MGAT4C: variants seen among roughly 807,000 people sequenced by gnomAD.
The protein encoded by MGAT4C is alpha-1,3-mannosyl-glycoprotein 4-beta-N-acetylglucosaminyltransferase C.
MGAT4C carries 19 observed loss-of-function variants against 40.1 expected under a neutral mutation model. The ratio of observed to expected loss-of-function variants is 0.47; its 90% confidence interval spans 0.33 to 0.70. The LOEUF is 0.70. Ranked by LOEUF, MGAT4C falls within the 30% of genes least tolerant of loss-of-function variation. The pLI is 0.02. For synonymous variants in MGAT4C, 181 were observed against 187.1 expected, an observed-to-expected ratio of 0.97 and a Z score of 0.27; for missense variants, 491 against 563.2, an observed-to-expected ratio of 0.87 and a Z score of 1.30.
chr12:86,137,532 A>C (rs1360158948), intron 1 of MGAT4C, among the ~76,000 whole-genome samples: 1 of 152,166 alleles, frequency 6.6e-6, no homozygotes, highest in Non-Finnish European at 1.5e-5. Flanking sequence ...ATCAGTCCTA[A>C]GTTTAAACAA....
chr12:86,137,946 A>G (rs1277829999), intron 1 of MGAT4C, among the ~76,000 whole-genome samples: 1 of 152,188 alleles, frequency 6.6e-6, no homozygotes, highest in Non-Finnish European at 1.5e-5. Context: ...TTTACCCTTC[A>G]GGTCTTGCCT....
intron 1 of MGAT4C, among the ~76,000 whole-genome samples, chr12:86,228,785 A>G (rs1428395526): frequency 6.6e-6 from 1 of 151,990 alleles, no homozygotes; most frequent in African/African-American, 2.4e-5. Flanking sequence ...TCATTACAGT[A>G]CTTAGATATT....
chr12:86,097,539 GT>G (rs956137743), intron 1 of MGAT4C, among the ~76,000 whole-genome samples: 4 of 151,604 alleles, frequency 2.6e-5, no homozygotes, highest in African/African-American at 9.6e-5. Context: ...CATTTGCAAA[GT>G]TTTTGGAAGA....
chr12:86,417,401 G>A (rs1235937542), intron 3 of MGAT4C, among the ~76,000 whole-genome samples: 1 of 151,994 alleles, frequency 6.6e-6, no homozygotes, highest in East Asian at 1.9e-4. Context: ...AAGTAATCAT[G>A]TTATCTGCTT....
At chr12:86,168,845 GTC>G (rs1207814430) in intron 1 of MGAT4C, among the ~76,000 whole-genome samples, 2 of 152,068 alleles carry the variant, frequency 1.3e-5, no homozygotes, top group Non-Finnish European at 2.9e-5. Context: ...AAACAAAAGA[GTC>G]TTTTCTTTTG....
chr12:86,379,507 G>A (rs1228504201), intron 3 of MGAT4C, among the ~76,000 whole-genome samples: 1 of 151,982 alleles, frequency 6.6e-6, no homozygotes, highest in African/African-American at 2.4e-5. Flanking sequence ...ACCTCTTTCT[G>A]GCAAAGGTTA....
intron 1 of MGAT4C, among the ~76,000 whole-genome samples, chr12:86,074,145 T>C (rs1478212740): frequency 6.6e-6 from 1 of 152,078 alleles, no homozygotes; most frequent in Non-Finnish European, 1.5e-5. Context: ...TTCCACATTT[T>C]TCTCTTGCCA....
intron 3 of MGAT4C, among the ~76,000 whole-genome samples, chr12:86,345,783 TG>T (rs959293724): frequency 1.3e-5 from 2 of 152,208 alleles, no homozygotes; most frequent in Non-Finnish European, 2.9e-5. Flanking sequence ...ATGGGATGGC[TG>T]GGTCAAATGG....
intron 1 of MGAT4C, among the ~76,000 whole-genome samples, chr12:86,801,341 G>A (rs554539174): frequency 1.7e-4 from 26 of 151,978 alleles, no homozygotes; most frequent in Admixed American, 1.4e-3. Context: ...TATCGAGAGC[G>A]TGTTGAGAAT....
intron 2 of MGAT4C, among the ~76,000 whole-genome samples, chr12:86,631,622 T>C (rs1394062754): frequency 6.6e-6 from 1 of 152,048 alleles, no homozygotes; most frequent in Non-Finnish European, 1.5e-5. Flanking sequence ...CCATCTGATC[T>C]TTGACAAACC....
intron 2 of MGAT4C, among the ~76,000 whole-genome samples, chr12:86,593,004 C>T (rs1019608683): frequency 2.0e-5 from 3 of 151,928 alleles, no homozygotes; most frequent in African/African-American, 7.2e-5. Context: ...TTAATATTGG[C>T]ACTGTTTATA....
At chr12:86,600,942 C>G (rs1156371566) in intron 2 of MGAT4C, among the ~76,000 whole-genome samples, 2 of 152,242 alleles carry the variant, frequency 1.3e-5, no homozygotes, top group Admixed American at 1.3e-4. Flanking sequence ...AGCAAAGTTG[C>G]GACTATGTCC....
intron 2 of MGAT4C, among the ~76,000 whole-genome samples, chr12:86,639,042 A>G (rs1006548821): frequency 6.6e-6 from 1 of 151,796 alleles, no homozygotes; most frequent in Admixed American, 6.6e-5. Context: ...ATCTTGAAAA[A>G]TAACAATTTG....
chr12:86,168,685 A>T (rs57949270), intron 1 of MGAT4C, among the ~76,000 whole-genome samples: 12,871 of 152,132 alleles, frequency 0.085, 647 homozygotes, highest in Middle Eastern at 0.22. Flanking sequence ...TCATGTTGTA[A>T]AGGTGTTAAT....
intron 1 of MGAT4C, among the ~76,000 whole-genome samples, chr12:86,106,108 C>T (rs1319120606): frequency 1.3e-5 from 2 of 152,148 alleles, no homozygotes; most frequent in Non-Finnish European, 1.5e-5. Context: ...AATAGTGCTT[C>T]CCCAATTGTT....
chr12:86,546,830 A>G (rs1292159105), intron 2 of MGAT4C, among the ~76,000 whole-genome samples: 1 of 152,108 alleles, frequency 6.6e-6, no homozygotes, highest in African/African-American at 2.4e-5. Context: ...GCATCCCCCA[A>G]AAAACACCAC....
chr12:86,603,057 A>G (rs1451135980), intron 2 of MGAT4C, among the ~76,000 whole-genome samples: 2 of 151,592 alleles, frequency 1.3e-5, no homozygotes, highest in Non-Finnish European at 2.9e-5. Flanking sequence ...AGGAATCTAA[A>G]CCAGTGAAAT....
At chr12:86,195,312 T>G (rs941737630) in intron 1 of MGAT4C, among the ~76,000 whole-genome samples, 15 of 152,298 alleles carry the variant, frequency 9.8e-5, no homozygotes, top group African/African-American at 2.9e-4. Context: ...TTTAAAGTTT[T>G]TATAATTGTT....
At position 86,117,099 on chromosome 12, in the gene MGAT4C, T is replaced by C. The variant is rs577690516; in HGVS notation, c.-56-67376A>G. On this transcript the variant is annotated intron_variant, in intron 1 of 4. Coordinates refer to ENST00000611864, the MANE Select transcript of MGAT4C (RefSeq NM_001351288.2). ...AAAAAAGTTGCACTATGCAACTGCATAGGTTCAGTTAATTTCACAAGGGAA... is the reference window on the plus strand; with the variant it reads ...AAAAAAGTTGCACTATGCAACTGCACAGGTTCAGTTAATTTCACAAGGGAA... 2.6e-5 allele frequency among the ~76,000 whole-genome samples: 4 copies of C among 152,260 alleles called. No individual in the cohort carries two copies. In the South Asian group the frequency reaches 8.3e-4, roughly 32 times the overall value.
Sources: gnomAD v4.1 joint callset for allele counts (sites outside exome capture counted in the v4.1 genomes callset) on GRCh38, gnomAD v4.1.1 for gene constraint, MANE v1.5 for transcripts, NCBI Gene and HGNC (gene_info 2026-07-23, HGNC 2026-07-21) for gene names.